Variants in HS3ST5 observed in about 807,000 individuals in gnomAD.
HS3ST5 encodes heparan sulfate glucosamine 3-O-sulfotransferase 5.
HS3ST5 carries 10 observed loss-of-function variants against 25.4 expected under a neutral mutation model. That is an observed-to-expected ratio of 0.39 (90% CI 0.24 to 0.67). HS3ST5 has a LOEUF of 0.67. Ranked by LOEUF, HS3ST5 falls within the 30% of genes least tolerant of loss-of-function variation. HS3ST5 has a pLI of 0.44. For missense variants in HS3ST5, 324 were observed against 420.7 expected (o/e 0.77, Z 2.01); for synonymous variants, 170 against 162.4 (o/e 1.05, Z -0.36).
chr6:114,274,484 G>T lies in HS3ST5; in HGVS notation c.-338-45706C>A, dbSNP rs1229794487. ...TAGGAGTTGTGTTTAGTTATGGATG[G>T]AACTGAGGTTATAAGGAAGAAACTA... On this transcript the variant is annotated intron_variant, in intron 1 of 4. Transcript: ENST00000312719. Among the ~76,000 whole-genome samples the T allele has an allele frequency of 2.6e-5, 4 of 152,032 alleles. No individual in the cohort carries two copies. The East Asian group carries it at 7.7e-4, about 29-fold the overall frequency.
intron 3 of HS3ST5, among the ~76,000 whole-genome samples, chr6:114,153,049 A>G (rs1001845656): frequency 3.3e-5 from 5 of 152,048 alleles, no homozygotes; most frequent in Admixed American, 1.3e-4. Context: ...ATCCCCACCC[A>G]ATGGTTGAGA....
intron 2 of HS3ST5, among the ~76,000 whole-genome samples, chr6:114,198,665 C>T (rs1157628542): frequency 6.6e-6 from 1 of 152,152 alleles, no homozygotes; most frequent in Non-Finnish European, 1.5e-5. Context: ...ATTCAATGTA[C>T]AATTAAATAA....
intron 2 of HS3ST5, among the ~76,000 whole-genome samples, chr6:114,200,648 T>C (rs1780971798): frequency 6.6e-6 from 1 of 152,178 alleles, no homozygotes. Context: ...ACATGCCTTT[T>C]TGCAAACACC....
At chr6:114,268,176 G>T (rs1773489120) in intron 1 of HS3ST5, among the ~76,000 whole-genome samples, 1 of 152,110 alleles carries the variant, frequency 6.6e-6, no homozygotes, top group Non-Finnish European at 1.5e-5. Context: ...TTCTTGGATG[G>T]CTTTCATTGC....
chr6:114,234,733 T>C (rs559801462), intron 1 of HS3ST5, among the ~76,000 whole-genome samples: 1 of 152,356 alleles, frequency 6.6e-6, no homozygotes, highest in East Asian at 1.9e-4. Context: ...TTTTATTTGC[T>C]AAACTTTTTT....
chr6:114,123,884 T>G (rs1776912839), intron 3 of HS3ST5, among the ~76,000 whole-genome samples: 1 of 152,232 alleles, frequency 6.6e-6, no homozygotes, highest in African/African-American at 2.4e-5. Context: ...CTTCTCAGGA[T>G]GTACTACGGA....
intron 1 of HS3ST5, among the ~76,000 whole-genome samples, chr6:114,292,948 T>TC (rs983033947): frequency 2.0e-5 from 3 of 152,088 alleles, no homozygotes; most frequent in South Asian, 2.1e-4. Context: ...TTTTTTTTTT[T>TC]CCCAAATATT....
At chr6:114,323,605 G>T (rs1257110373) in intron 1 of HS3ST5, among the ~76,000 whole-genome samples, 1 of 151,998 alleles carries the variant, frequency 6.6e-6, no homozygotes, top group Non-Finnish European at 1.5e-5. Context: ...AGTATAATGT[G>T]GAGGCTACCT....
chr6:114,276,880 T>C (rs1393070146), intron 1 of HS3ST5, among the ~76,000 whole-genome samples: 1 of 151,994 alleles, frequency 6.6e-6, no homozygotes, highest in African/African-American at 2.4e-5. Flanking sequence ...TCCTTGTATT[T>C]ATGTAAGGAA....
intron 2 of HS3ST5, among the ~76,000 whole-genome samples, chr6:114,207,970 T>A (rs138370354): frequency 8.5e-5 from 13 of 152,250 alleles, no homozygotes; most frequent in African/African-American, 3.1e-4. Context: ...CCACAATACA[T>A]CCCATGTCTT....
intron 1 of HS3ST5, among the ~76,000 whole-genome samples, chr6:114,307,844 TG>T (rs1276079401): frequency 6.6e-6 from 1 of 152,028 alleles, no homozygotes; most frequent in Non-Finnish European, 1.5e-5. Context: ...AGTTTCATAT[TG>T]TTTTTTGATT....
intron 3 of HS3ST5, among the ~76,000 whole-genome samples, chr6:114,068,428 T>C (rs1284250747): frequency 5.9e-5 from 9 of 152,186 alleles, no homozygotes; most frequent in African/African-American, 2.2e-4. Context: ...ACCAAAGATA[T>C]CCGGTTAATT....
At chr6:114,325,324 T>C (rs1359656107) in intron 1 of HS3ST5, among the ~76,000 whole-genome samples, 1 of 152,210 alleles carries the variant, frequency 6.6e-6, no homozygotes. Flanking sequence ...GAAAAGGCTG[T>C]TCCAGTTTAA....
intron 1 of HS3ST5, among the ~76,000 whole-genome samples, chr6:114,245,448 TA>T (rs1264534146): frequency 6.6e-6 from 1 of 152,108 alleles, no homozygotes; most frequent in Non-Finnish European, 1.5e-5. Flanking sequence ...TCATCAAGAA[TA>T]ATGTCTTGGT....
chr6:114,220,681 A>C (rs1179608698), intron 2 of HS3ST5: 1 of 151,992 alleles, frequency 6.6e-6, no homozygotes, highest in Non-Finnish European at 1.5e-5. Flanking sequence ...AAGAAAAAAA[A>C]ATCTCCAGAG....
At chr6:114,282,506 G>A (rs559234514) in intron 1 of HS3ST5, among the ~76,000 whole-genome samples, 13 of 152,024 alleles carry the variant, frequency 8.6e-5, no homozygotes, top group South Asian at 2.1e-4. Flanking sequence ...TCGGTCTGTC[G>A]GAGGATACAG....
intron 1 of HS3ST5, among the ~76,000 whole-genome samples, chr6:114,270,426 T>G (rs772467607): frequency 6.6e-6 from 1 of 152,178 alleles, no homozygotes; most frequent in Non-Finnish European, 1.5e-5. Context: ...TAAAATAAAT[T>G]GCATTTTTAG....
At chr6:114,297,316 G>A (rs1253049017) in intron 1 of HS3ST5, among the ~76,000 whole-genome samples, 4 of 152,092 alleles carry the variant, frequency 2.6e-5, no homozygotes, top group Non-Finnish European at 5.9e-5. Flanking sequence ...GGAGAGACAG[G>A]GACGTACACA....
chr6:114,125,790 T>C (rs1281289781), intron 3 of HS3ST5, among the ~76,000 whole-genome samples: 2 of 152,222 alleles, frequency 1.3e-5, no homozygotes, highest in African/African-American at 4.8e-5. Flanking sequence ...GACTAGCCTT[T>C]CCTGCTGACT....
Sources: allele counts gnomAD v4.1 joint callset (sites outside exome capture counted in the v4.1 genomes callset), GRCh38; gene constraint gnomAD v4.1.1; transcripts MANE v1.5; gene names NCBI Gene and HGNC (gene_info 2026-07-23, HGNC 2026-07-21).